Variants in CPN2 observed in about 807,000 individuals in gnomAD.
CPN2 encodes the protein carboxypeptidase N subunit 2, also known as carboxypeptidase N 83 kDa chain.
For synonymous variants in CPN2, 336 were observed against 318.4 expected (o/e 1.06, Z -0.59); for missense variants, 620 against 671.4 (o/e 0.92, Z 0.85).
Position 194,341,871 on chromosome 3 carries a change from G to C in CPN2, c.832C>G (p.Arg278Gly). Reference protein sequence around the residue: ...TFLSLQWNMLRVLPAGLFAHT... With the variant: ...TFLSLQWNMLGVLPAGLFAHT... ...GCAAAGAGGCCGGCAGGCAGGACCCGAAGCATGTTCCACTGCAAGCTCAGA... is the reference window on the plus strand; with the variant it reads ...GCAAAGAGGCCGGCAGGCAGGACCCCAAGCATGTTCCACTGCAAGCTCAGA... Residue 278 changes from arginine (R) to glycine (G), a missense_variant, in exon 2 of 2, where the codon CGG becomes GGG. Physicochemically the swap from Arg to Gly is moderately radical, Grantham distance 125. Transcript: ENST00000323830. 6 of 1,614,114 alleles carry C rather than the reference G, an allele frequency of 3.7e-6. No individual in the cohort carries two copies. Among genetic ancestry groups the C allele is most frequent in the Non-Finnish European group, 5.1e-6 (6 of 1,179,976 alleles).
At chr3:194,344,686 C>G (rs1000115445) in intron 1 of CPN2, among the ~76,000 whole-genome samples, 1 of 151,976 alleles carries the variant, frequency 6.6e-6, no homozygotes, top group Non-Finnish European at 1.5e-5. Flanking sequence ...CAGAGTGAGA[C>G]GTCCATCTCA....
chr3:194,349,317 C>G (rs1192765043), intron 1 of CPN2, among the ~76,000 whole-genome samples: 1 of 152,126 alleles, frequency 6.6e-6, no homozygotes, highest in Non-Finnish European at 1.5e-5. Flanking sequence ...GCCGAGATCG[C>G]ACTATTGCAC....
chr3:194,341,681 T>C lies in CPN2; in HGVS notation c.1022A>G (p.Lys341Arg), dbSNP rs752500940. ...AAGGTTGTTGCTGCCCAGGTAGAGT[T>C]TGACCAACTCCTCCAGGTCTCTGAA... ...GIFRDLEELV[K>R]LYLGSNNLTA... The change falls in exon 2 of 2, where the codon AAA becomes AGA. Residue 341 changes from lysine (K) to arginine (R), a missense_variant. Transcript: ENST00000323830. 2.5e-6 allele frequency: 4 copies of C among 1,614,058 alleles called. No homozygotes were observed. The highest frequency in any genetic ancestry group is 2.2e-5 in the East Asian group (1 of 44,878).
At position 194,342,532 on chromosome 3, in the gene CPN2, C is replaced by G; in HGVS notation, c.171G>C (p.Val57=). ...IPPYTKNIIF[V]ETSFTTLETR... is the part of the protein sequence containing the mutation. Reference sequence around the variant, plus strand: ...TTTCCAATGTGGTGAACGAGGTCTCCACAAAGATGATGTTTTTCGTATATG... The same window carrying G: ...TTTCCAATGTGGTGAACGAGGTCTCGACAAAGATGATGTTTTTCGTATATG... The change falls in exon 2 of 2, where the codon GTG becomes GTC. Residue 57 remains valine, a synonymous_variant. Transcript: ENST00000323830. The G allele has an allele frequency of 6.2e-7, 1 of 1,614,150 alleles. No homozygotes were observed. The highest frequency in any genetic ancestry group is 8.5e-7 in the Non-Finnish European group (1 of 1,180,020).
intron 1 of CPN2, 115 bp downstream of exon 1, chr3:194,351,127 A>C (rs1448490061): frequency 6.6e-6 from 1 of 152,154 alleles, no homozygotes. Context: ...GCCCCCCAGA[A>C]CCGCAGCCTG....
intron 1 of CPN2, among the ~76,000 whole-genome samples, chr3:194,348,717 C>A (rs1372820915): frequency 1.3e-5 from 2 of 152,058 alleles, no homozygotes; most frequent in East Asian, 3.9e-4. Context: ...ATGGTAACAT[C>A]TCATCTCTTC....
Position 194,342,437 on chromosome 3 carries a change from C to T in CPN2, c.266G>A (p.Arg89Lys), listed in dbSNP as rs79031993. The T allele has an allele frequency of 6.1e-4, 991 of 1,614,206 alleles. 5 individuals carry two copies. The African/African-American group carries it at 0.012, about 19-fold the overall frequency. Residue 89 changes from arginine (R) to lysine (K), a missense_variant, in exon 2 of 2, where the codon AGG becomes AAG. Physicochemically the swap from Arg to Lys is conservative, Grantham distance 26. Transcript: ENST00000323830. ...GGGCAGCCCCCCGAAGGCATCCGGC[C>T]TAAACTGGCAGAGCTGAGTGTTGAG... ...VFLNTQLCQFRPDAFGGLPRL... is the reference protein window; with the variant it reads ...VFLNTQLCQFKPDAFGGLPRL...
Position 194,341,118 on chromosome 3 carries a change from A to T in CPN2, c.1585T>A (p.Cys529Ser), listed in dbSNP as rs1451822573. Residue 529 changes from cysteine to serine, a missense_variant, in exon 2 of 2, where the codon TGC becomes AGC. Cys to Ser is a moderately radical substitution (Grantham distance 112). Coordinates refer to ENST00000323830, the MANE Select transcript of CPN2 (RefSeq NM_001080513.4). ...GACACGGTGAGCCGCAGAGAACCGC[A>T]GCTCGACCTCAGGTCCCACTCCTGA... ...ASQEWDLRSSCGSLRLTVSIE... is the reference protein window; with the variant it reads ...ASQEWDLRSSSGSLRLTVSIE... 6.2e-7 allele frequency: 1 copy of T among 1,612,150 alleles called. No homozygotes were observed. Among genetic ancestry groups the T allele is most frequent in the Non-Finnish European group, 8.5e-7 (1 of 1,179,074 alleles).
chr3:194,341,266 G>C lies in CPN2; in HGVS notation c.1437C>G (p.Ser479Arg), dbSNP rs138428290. Residue 479 changes from serine to arginine, a missense_variant, in exon 2 of 2, where the codon AGC becomes AGG. Ser to Arg is a moderately radical substitution (Grantham distance 110). Coordinates refer to ENST00000323830, the MANE Select transcript of CPN2 (RefSeq NM_001080513.4). ...DLAVQERAAR[S>R]QCTYSNPEGT... ...CCTCGGGGTTGCTGTAGGTGCACTG[G>C]CTCCGGGCTGCCCTTTCCTGCACAG... 373 of 1,613,372 alleles carry C rather than the reference G, an allele frequency of 2.3e-4. No individual in the cohort carries two copies. The highest frequency in any genetic ancestry group is 3.3e-4 in the Middle Eastern group (2 of 6,028).
rs753849442 is a variant in CPN2 at position 194,341,950 on chromosome 3, G to A, written c.753C>T (p.Asn251=). 1.4e-5 allele frequency: 22 copies of A among 1,613,844 alleles called. No homozygotes were observed. Among genetic ancestry groups the A allele is most frequent in the East Asian group, 2.2e-5 (1 of 44,894 alleles). The change falls in exon 2 of 2, where the codon AAC becomes AAT. Residue 251 remains asparagine (N), a synonymous_variant. Coordinates refer to ENST00000323830, the MANE Select transcript of CPN2 (RefSeq NM_001080513.4). ...TGGAGAGCGGCAGGTGCGTGATGGCGTTGCGTTGCAGCCACAGCCTCTCTA... is the reference window on the plus strand; with the variant it reads ...TGGAGAGCGGCAGGTGCGTGATGGCATTGCGTTGCAGCCACAGCCTCTCTA... The part of the protein sequence containing the change: ...FCLERLWLQR[N]AITHLPLSIF...
Position 194,342,190 on chromosome 3 carries a change from C to T in CPN2, c.513G>A (p.Leu171=). ...PRRLFQPLTH[L]KTLNLAQNLL... ...GGTTCTGGGCCAGGTTGAGTGTCTT[C>T]AGATGGGTCAGAGGCTGGAAGAGCC... Residue 171 remains leucine, a synonymous_variant, in exon 2 of 2, where the codon CTG becomes CTA. Transcript: ENST00000323830. The T allele has an allele frequency of 1.2e-6, 2 of 1,614,036 alleles. No individual in the cohort carries two copies. Among genetic ancestry groups the T allele is most frequent in the Non-Finnish European group, 1.7e-6 (2 of 1,179,964 alleles).
In CPN2 at chr3:194,342,695, G is replaced by A. The variant is rs1175022245; in HGVS notation, c.8C>T (p.Pro3Leu). The A allele has an allele frequency of 1.4e-6, 2 of 1,392,138 alleles. No homozygotes were observed. Among genetic ancestry groups the A allele is most frequent in the African/African-American group, 1.4e-5 (1 of 69,640 alleles). The allele number at this position is 1,392,138 out of a possible 1,614,324, so 86.2% of individuals were successfully genotyped here. Residue 3 changes from proline (P) to leucine (L), a missense_variant, in exon 2 of 2, where the codon CCT becomes CTT. Physicochemically the swap from Pro to Leu is moderately conservative, Grantham distance 98 (BLOSUM62 -3). Coordinates refer to ENST00000323830, the MANE Select transcript of CPN2 (RefSeq NM_001080513.4). ...GGAGGTCCAGAGCAGCCAGGCTCCA[G>A]GGAGCATCTTCTAGATTCGAGGAGG... ML[P>L]GAWLLWTSLL...
chr3:194,345,413 A>G (rs533977053), intron 1 of CPN2, among the ~76,000 whole-genome samples: 1 of 152,318 alleles, frequency 6.6e-6, no homozygotes, highest in Non-Finnish European at 1.5e-5. Context: ...TGCAGCCTCA[A>G]TCTCCCGGGT....
Position 194,341,818 on chromosome 3 carries a change from A to G in CPN2, c.885T>C (p.Ser295=). The change falls in exon 2 of 2, where the codon TCT becomes TCC. Residue 295 remains serine (S), a synonymous_variant. Coordinates refer to ENST00000323830, the MANE Select transcript of CPN2 (RefSeq NM_001080513.4). ...CAGTCTCCAGCTGGTTATGGGTCAG[A>G]GACAGGCCAACCAGGCACGGGGTGT... ...FAHTPCLVGL[S]LTHNQLETVA... 1 of 1,613,938 alleles carries G rather than the reference A, an allele frequency of 6.2e-7. No individual in the cohort carries two copies. Among genetic ancestry groups the G allele is most frequent in the Non-Finnish European group, 8.5e-7 (1 of 1,179,822 alleles).
Position 194,340,917 on chromosome 3 carries a change from C to T in CPN2, c.*148G>A, listed in dbSNP as rs562486073. 9.3e-5 allele frequency: 119 copies of T among 1,273,516 alleles called. No homozygotes were observed. In the African/African-American group the frequency reaches 1.2e-3, roughly 13 times the overall value. 78.9% of individuals were successfully genotyped at this position (1,273,516 alleles called of 1,614,324 possible). On this transcript the variant is annotated 3_prime_UTR_variant, in exon 2 of 2. Coordinates refer to ENST00000323830, the MANE Select transcript of CPN2 (RefSeq NM_001080513.4). ...AGGAGACCCTGGTTAGTGGAGCAGA[C>T]CAGACTCCACCCCCTCACCTTGGGG...
At chr3:194,350,754 G>A (rs547381658) in intron 1 of CPN2, among the ~76,000 whole-genome samples, 1 of 152,062 alleles carries the variant, frequency 6.6e-6, no homozygotes, top group Non-Finnish European at 1.5e-5. Flanking sequence ...TACTCAGCAG[G>A]CTGAGTGGGA....
At chr3:194,343,251 G>A (rs1488775586) in intron 1 of CPN2, among the ~76,000 whole-genome samples, 1 of 152,128 alleles carries the variant, frequency 6.6e-6, no homozygotes, top group Admixed American at 6.5e-5. Flanking sequence ...CCCCAGACCT[G>A]GGGATTCTAC....
chr3:194,342,232 G>C lies in CPN2; in HGVS notation c.471C>G (p.Leu157=). 1.9e-6 allele frequency: 3 copies of C among 1,613,958 alleles called. No homozygotes were observed. Among genetic ancestry groups the C allele is most frequent in the Non-Finnish European group, 2.5e-6 (3 of 1,179,916 alleles). The part of the protein sequence containing the change: ...LESLHLQGNQ[L]QALPRRLFQP... ...GGAAGAGCCTCCTGGGCAGGGCCTG[G>C]AGCTGGTTCCCCTGCAGGTGGAGGG... The change falls in exon 2 of 2, where the codon CTC becomes CTG. Residue 157 remains leucine (L), a synonymous_variant. Coordinates refer to ENST00000323830, the MANE Select transcript of CPN2 (RefSeq NM_001080513.4).
chr3:194,351,183 C>G (rs1407200863), intron 1 of CPN2, 59 bp downstream of exon 1: 3 of 152,272 alleles, frequency 2.0e-5, no homozygotes, highest in Non-Finnish European at 4.4e-5. Context: ...CGCAAGTTCC[C>G]GTTCCTGCCC....
Sources: allele counts gnomAD v4.1 joint callset (sites outside exome capture counted in the v4.1 genomes callset), GRCh38; gene constraint gnomAD v4.1.1; transcripts MANE v1.5; gene names NCBI Gene and HGNC (gene_info 2026-07-23, HGNC 2026-07-21).